Variants in KLRG1 observed in about 807,000 individuals in gnomAD.
The protein encoded by KLRG1 is killer cell lectin-like receptor subfamily G member 1.
Under a neutral mutation model 21.8 loss-of-function variants are expected in KLRG1, and 16 were observed. The ratio of observed to expected loss-of-function variants is 0.73; its 90% CI spans 0.50 to 1.11. The LOEUF (loss-of-function observed/expected upper bound fraction) is 1.11, where lower values mean the gene tolerates loss of function less well. KLRG1 is among the 50% of genes most tolerant of loss of function. The pLI, the probability that KLRG1 is intolerant of heterozygous loss-of-function variation, is 0.00. For missense variants in KLRG1, 173 were observed against 218.3 expected (o/e 0.79, Z 1.31); for synonymous variants, 69 against 75.9 (o/e 0.91, Z 0.47).
intron 1 of KLRG1, among the ~76,000 whole-genome samples, chr12:8,991,298 AAC>A (rs34087186): frequency 0.34 from 51,794 of 151,996 alleles, 10,426 homozygotes; most frequent in South Asian, 0.44. Flanking sequence ...GGTTGTATGC[AAC>A]ACAGCTAACA....
At chr12:8,957,650 T>C (rs192113950) in intron 1 of KLRG1, among the ~76,000 whole-genome samples, 17 of 152,302 alleles carry the variant, frequency 1.1e-4, no homozygotes, top group Middle Eastern at 3.4e-3. Context: ...ACTCTTGCGC[T>C]TTGTGGCCAT....
At chr12:9,151,537 C>A in the KLRG1 span, 1 of 1,314,870 alleles carries the variant, frequency 7.6e-7, no homozygotes, top group South Asian at 1.3e-5. Flanking sequence ...ACCGACTATT[C>A]TAGTAAAGAG....
the KLRG1 span, among the ~76,000 whole-genome samples, chr12:9,044,664 T>C: frequency 6.7e-6 from 1 of 149,480 alleles, no homozygotes; most frequent in African/African-American, 2.5e-5. Flanking sequence ...GAGATTCCAT[T>C]TCAAAAAACA....
At chr12:9,127,908 C>G in the KLRG1 span, 1 of 338,342 alleles carries the variant, frequency 3.0e-6, no homozygotes, top group Non-Finnish European at 5.9e-6. Flanking sequence ...TGAAGACCTG[C>G]GGGACAAGAT....
the KLRG1 span, chr12:9,110,063 C>G: frequency 1.3e-6 from 2 of 1,585,832 alleles, no homozygotes; most frequent in Non-Finnish European, 1.7e-6. Context: ...TTATAACTTA[C>G]AAAAGCACCT....
downstream of KLRG1, among the ~76,000 whole-genome samples, chr12:9,013,984 A>G (rs1947666195): frequency 6.6e-6 from 1 of 152,208 alleles, no homozygotes. Flanking sequence ...TGAAGAATGC[A>G]TCAGAGTCTC....
intron 3 of KLRG1, among the ~76,000 whole-genome samples, chr12:9,003,474 TA>T (rs904877489): frequency 1.1e-4 from 16 of 151,948 alleles, no homozygotes; most frequent in South Asian, 2.1e-4. Flanking sequence ...GTGAAAATAT[TA>T]AAAAAAATCC....
At chr12:9,179,298 A>G in the KLRG1 span, among the ~76,000 whole-genome samples, 3 of 152,092 alleles carry the variant, frequency 2.0e-5, no homozygotes, top group Admixed American at 2.0e-4. Flanking sequence ...TGATCCACCT[A>G]TATCCTTTTT....
chr12:8,956,612 A>G (rs1366905336), intron 1 of KLRG1, among the ~76,000 whole-genome samples: 1 of 151,928 alleles, frequency 6.6e-6, no homozygotes, highest in African/African-American at 2.4e-5. Flanking sequence ...CTTCCGGCTA[A>G]TTTGTTGTAT....
At chr12:9,100,471 G>A in the KLRG1 span, among the ~76,000 whole-genome samples, 3 of 151,200 alleles carry the variant, frequency 2.0e-5, no homozygotes, top group African/African-American at 7.3e-5. Flanking sequence ...TAGAGATGGG[G>A]TCTCACTATG....
the KLRG1 span, chr12:9,098,557 T>A: frequency 6.4e-7 from 1 of 1,553,390 alleles, no homozygotes; most frequent in Non-Finnish European, 8.7e-7. Flanking sequence ...TTCCTTGCTC[T>A]GAGCCCCTGG....
chr12:9,126,342 C>G, the KLRG1 span, among the ~76,000 whole-genome samples: 1 of 152,096 alleles, frequency 6.6e-6, no homozygotes, highest in Non-Finnish European at 1.5e-5. Context: ...ACAGTAACAA[C>G]TTTAGATTTC....
the KLRG1 span, chr12:9,152,214 A>T: frequency 1.3e-6 from 2 of 1,573,070 alleles, no homozygotes; most frequent in South Asian, 2.2e-5. Context: ...ATTAAAATAC[A>T]CCTACCATTT....
At chr12:8,986,084 A>C (rs1260723803), upstream of KLRG1, among the ~76,000 whole-genome samples, 2 of 152,196 alleles carry the variant, frequency 1.3e-5, no homozygotes, top group African/African-American at 4.8e-5. Flanking sequence ...TGTGGATGAA[A>C]ACCAATATAT....
chr12:9,027,979 T>C, the KLRG1 span: 36 of 1,026,186 alleles, frequency 3.5e-5, no homozygotes, highest in Non-Finnish European at 5.2e-5. Context: ...TTGTGGTCAT[T>C]CACAGTATGG....
chr12:9,052,381 A>G, the KLRG1 span, among the ~76,000 whole-genome samples: 1 of 152,158 alleles, frequency 6.6e-6, no homozygotes, highest in East Asian at 1.9e-4. Flanking sequence ...GCAAATTCAA[A>G]TCGTGAGCAG....
chr12:9,124,069 A>G, the KLRG1 span, among the ~76,000 whole-genome samples: 1 of 152,246 alleles, frequency 6.6e-6, no homozygotes, highest in African/African-American at 2.4e-5. Flanking sequence ...TTTCAATGTG[A>G]AAATAAAATA....
the KLRG1 span, chr12:9,072,916 G>T: frequency 6.7e-7 from 1 of 1,501,486 alleles, no homozygotes; most frequent in Non-Finnish European, 9.1e-7. Context: ...GCATTATAAG[G>T]CTTTGAGGGC....
the KLRG1 span, among the ~76,000 whole-genome samples, chr12:9,111,820 A>C: frequency 6.6e-6 from 1 of 152,154 alleles, no homozygotes; most frequent in East Asian, 1.9e-4. Context: ...GTATAGAAAA[A>C]ATCTAAATCT....
Sources: allele counts gnomAD v4.1 joint callset (sites outside exome capture counted in the v4.1 genomes callset), GRCh38; gene constraint gnomAD v4.1.1; transcripts MANE v1.5; gene names NCBI Gene and HGNC (gene_info 2026-07-23, HGNC 2026-07-21).